SLC6A4: variants seen among roughly 807,000 people sequenced by gnomAD.
SLC6A4 encodes the protein solute carrier family 6 member 4.
Under a neutral mutation model 73.4 loss-of-function variants are expected in SLC6A4, and 22 were observed. The observed-to-expected ratio is 0.30, with a 90% CI of 0.21 to 0.43. The LOEUF (loss-of-function observed/expected upper bound fraction) is 0.43, where lower values mean the gene tolerates loss of function less well. Among genes scored for constraint, SLC6A4 ranks in the 20% least tolerant of loss-of-function variants. The pLI is 1.00. For missense variants in SLC6A4, 593 were observed against 808.5 expected (o/e 0.73, Z 3.23); for synonymous variants, 270 against 315.5 (o/e 0.86, Z 1.53).
chr17:30,201,296 C>T (rs1159909343), intron 14 of SLC6A4, among the ~76,000 whole-genome samples: 1 of 152,198 alleles, frequency 6.6e-6, no homozygotes, highest in Non-Finnish European at 1.5e-5. Context: ...CCATGGTCCT[C>T]ACCGACAGGG....
chr17:30,229,103 T>C (rs1907011841), intron 1 of SLC6A4, among the ~76,000 whole-genome samples: 1 of 152,228 alleles, frequency 6.6e-6, no homozygotes, highest in South Asian at 2.1e-4. Context: ...GAAGATTGGC[T>C]GTGCATCTTG....
rs200235060 is a variant in SLC6A4 at position 30,195,664 on chromosome 17, T to C, written c.*2792A>G. ...TTAGCTTGGTCCCCAGGTTTGTCTC[T>C]GCCTCTAATGGCATTATCTGACCTT... On this transcript the variant is annotated 3_prime_UTR_variant, in exon 15 of 15. Transcript: ENST00000650711. 4.6e-5 allele frequency: 7 copies of C among 152,290 alleles called. No homozygotes were observed. The highest frequency in any genetic ancestry group is 1.7e-4 in the African/African-American group (7 of 41,552). The allele number at this position is 152,290 out of a possible 1,614,324, so 9.4% of individuals were successfully genotyped here.
At chr17:30,199,541 G>A (rs1905965002) in intron 14 of SLC6A4, among the ~76,000 whole-genome samples, 1 of 152,032 alleles carries the variant, frequency 6.6e-6, no homozygotes, top group Admixed American at 6.6e-5. Flanking sequence ...TTCTCATTCT[G>A]GGAGTTTGTT....
intron 3 of SLC6A4, among the ~76,000 whole-genome samples, chr17:30,219,719 G>C (rs1225464832): frequency 6.6e-6 from 1 of 152,164 alleles, no homozygotes; most frequent in African/African-American, 2.4e-5. Context: ...GGCTGAGGCT[G>C]AATTTAAAAA....
rs549435507 is a variant in SLC6A4 at position 30,211,837 on chromosome 17, T to C, written c.1205-413A>G. 6.6e-6 allele frequency among the ~76,000 whole-genome samples: 1 copy of C among 152,172 alleles called. No individual in the cohort carries two copies. Among genetic ancestry groups the C allele is most frequent in the Non-Finnish European group, 1.5e-5 (1 of 68,026 alleles). On this transcript the variant is annotated intron_variant, in intron 9 of 14. Coordinates refer to ENST00000650711, the MANE Select transcript of SLC6A4 (RefSeq NM_001045.6). The surrounding 1 kb of genome is among the most constrained non-coding windows in gnomAD (Gnocchi z 4.0). Reference sequence around the variant, plus strand: ...TCTTCAGCTTCAGAACAGTAGGAAATGTTAAATTGATTTCCGTAGAGTCAC... The same window carrying C: ...TCTTCAGCTTCAGAACAGTAGGAAACGTTAAATTGATTTCCGTAGAGTCAC...
At chr17:30,203,039 C>T in intron 14 of SLC6A4, 133 bp downstream of exon 14, 1 of 672,314 alleles carries the variant, frequency 1.5e-6, no homozygotes, top group Admixed American at 2.7e-5. Context: ...CGCCATGGCA[C>T]AGGTACATAC....
chr17:30,212,670 A>G (rs976659207), intron 9 of SLC6A4, 70 bp downstream of exon 9: 25 of 1,532,664 alleles, frequency 1.6e-5, no homozygotes, highest in Non-Finnish European at 2.2e-5. Context: ...CAAAAGTTAG[A>G]TCTTTACAAA....
Position 30,207,840 on chromosome 17 carries a change from C to A in SLC6A4, c.1550-8G>T. ...TGCAGAACTGAGTGATGCCTGGAACCGCCCAAGGGGAAGAGAGGCAGAGAC... is the reference window on the plus strand; with the variant it reads ...TGCAGAACTGAGTGATGCCTGGAACAGCCCAAGGGGAAGAGAGGCAGAGAC... On this transcript the variant is annotated splice_polypyrimidine_tract_variant and splice_region_variant and intron_variant, in intron 12 of 14. Coordinates refer to ENST00000650711, the MANE Select transcript of SLC6A4 (RefSeq NM_001045.6). 1.2e-6 allele frequency: 2 copies of A among 1,607,748 alleles called. No individual in the cohort carries two copies. Among genetic ancestry groups the A allele is most frequent in the Non-Finnish European group, 1.7e-6 (2 of 1,174,488 alleles).
chr17:30,203,087 T>G, intron 14 of SLC6A4, 85 bp downstream of exon 14: 1 of 1,159,534 alleles, frequency 8.6e-7, no homozygotes, highest in African/African-American at 1.5e-5. Flanking sequence ...AATCTCATTT[T>G]GAATAGAGCA....
chr17:30,233,178 G>A lies in SLC6A4; in HGVS notation c.-221+2435C>T, dbSNP rs543058992. On this transcript the variant is annotated intron_variant, in intron 1 of 14. Coordinates refer to ENST00000650711, the MANE Select transcript of SLC6A4 (RefSeq NM_001045.6). ...AACAGGCGCTTTTATGAGATGTTTC[G>A]CTCCACACCCACGTATGTTCCATGG... Among the ~76,000 whole-genome samples the A allele has an allele frequency of 4.6e-5, 7 of 152,236 alleles. No individual in the cohort carries two copies. In the South Asian group the frequency reaches 6.2e-4, roughly 14 times the overall value.
intron 7 of SLC6A4, 67 bp from the exon 8 acceptor site, chr17:30,215,781 G>C: frequency 7.2e-7 from 1 of 1,383,298 alleles, no homozygotes; most frequent in South Asian, 1.2e-5. Context: ...GCACCAACAG[G>C]GTCGCCACTC....
chr17:30,201,673 A>G (rs1380877836), intron 14 of SLC6A4, among the ~76,000 whole-genome samples: 1 of 152,216 alleles, frequency 6.6e-6, no homozygotes, highest in Admixed American at 6.5e-5. Flanking sequence ...CACGGGACCC[A>G]AGGCTCTTTA....
chr17:30,216,794 G>A (rs1490852403), intron 6 of SLC6A4, among the ~76,000 whole-genome samples: 1 of 151,516 alleles, frequency 6.6e-6, no homozygotes, highest in African/African-American at 2.4e-5. Flanking sequence ...TCAGCCTCCC[G>A]AGTAGCTGGG....
chr17:30,230,211 A>G (rs1021871934), intron 1 of SLC6A4, among the ~76,000 whole-genome samples: 1 of 152,146 alleles, frequency 6.6e-6, no homozygotes, highest in Non-Finnish European at 1.5e-5. Context: ...ATAATTTCAC[A>G]ACTTACAACT....
At chr17:30,219,029 A>T in intron 3 of SLC6A4, 98 bp from the exon 4 acceptor site, 2 of 1,469,322 alleles carry the variant, frequency 1.4e-6, no homozygotes, top group Non-Finnish European at 1.9e-6. Flanking sequence ...GGATGATGTG[A>T]GTGTCAGGAG....
At chr17:30,210,696 T>C in intron 10 of SLC6A4, 50 bp from the exon 11 acceptor site, 2 of 1,580,060 alleles carry the variant, frequency 1.3e-6, no homozygotes, top group Non-Finnish European at 1.7e-6. Flanking sequence ...GACAAGGCTG[T>C]GGCCTTCAGG....
intron 14 of SLC6A4, 99 bp downstream of exon 14, chr17:30,203,073 G>C (rs1016591475): frequency 1.4e-5 from 14 of 1,006,632 alleles, no homozygotes; most frequent in Non-Finnish European, 1.8e-5. Flanking sequence ...CATGCCTCCT[G>C]GTGAATCTCA....
intron 13 of SLC6A4, among the ~76,000 whole-genome samples, chr17:30,204,727 AG>A (rs1286144978): frequency 6.6e-6 from 1 of 152,234 alleles, no homozygotes; most frequent in Non-Finnish European, 1.5e-5. Flanking sequence ...TAAGAAGCCC[AG>A]AGCAGGGGAT....
In SLC6A4 at chr17:30,211,121, T is replaced by C. The variant is rs944967471; in HGVS notation, c.1317+191A>G. 1.3e-5 allele frequency among the ~76,000 whole-genome samples: 2 copies of C among 152,242 alleles called. No individual in the cohort carries two copies. Among genetic ancestry groups the C allele is most frequent in the Non-Finnish European group, 2.9e-5 (2 of 68,048 alleles). On this transcript the variant is annotated intron_variant, in intron 10 of 14. Transcript: ENST00000650711. This position sits in a 1 kb window ranked among gnomAD's most constrained non-coding sequence, Gnocchi z 4.0. ...TAAGCGCCTGGCGCTTGACCCACTT[T>C]ATCCCATTAATGACTCGAATGTACC...
Sources: allele counts gnomAD v4.1 joint callset (sites outside exome capture counted in the v4.1 genomes callset), GRCh38; gene constraint gnomAD v4.1.1; non-coding constraint Gnocchi (gnomAD v3.1); transcripts MANE v1.5; gene names NCBI Gene and HGNC (gene_info 2026-07-23, HGNC 2026-07-21).